The following TMX3 variants were observed in gnomAD, a reference collection of about 807,000 sequenced individuals.
TMX3 encodes the protein protein disulfide-isomerase TMX3.
Under a neutral mutation model 64.4 loss-of-function variants are expected in TMX3, and 40 were observed. That is an observed-to-expected ratio of 0.62 (90% CI 0.48 to 0.81). The LOEUF (loss-of-function observed/expected upper bound fraction) is 0.81, where lower values mean the gene tolerates loss of function less well. Ranked by LOEUF, TMX3 falls within the 30% of genes least tolerant of loss-of-function variation. The pLI is 0.00. For missense variants in TMX3, 497 were observed against 534.5 expected, an observed-to-expected ratio of 0.93 and a Z score of 0.69; for synonymous variants, 189 against 175.7, an observed-to-expected ratio of 1.08 and a Z score of -0.60.
At position 68,687,752 on chromosome 18, in the gene TMX3, A is replaced by C; in HGVS notation, c.651T>G (p.Gly217=). 3.1e-6 allele frequency: 5 copies of C among 1,610,816 alleles called. No individual in the cohort carries two copies. Among genetic ancestry groups the C allele is most frequent in the Non-Finnish European group, 4.2e-6 (5 of 1,178,684 alleles). ...TYFVYDEYED[G]DLSSWINRER... ...CCCTGTTGATCCATGATGACAGATC[A>C]CCATCTTCATACTCTTAAAACCAAG... The change falls in exon 10 of 16, where the codon GGT becomes GGG. Residue 217 remains glycine (G), a synonymous_variant. Transcript: ENST00000299608.
At chr18:68,704,225 C>T (rs1282352128) in intron 4 of TMX3, among the ~76,000 whole-genome samples, 1 of 152,116 alleles carries the variant, frequency 6.6e-6, no homozygotes, top group Admixed American at 6.5e-5. Flanking sequence ...TAATTAGCTG[C>T]TGACACATCA....
At chr18:68,684,113 C>T (rs1913712123) in intron 12 of TMX3, 77 bp downstream of exon 12, 3 of 1,029,910 alleles carry the variant, frequency 2.9e-6, no homozygotes, top group South Asian at 2.8e-5. Context: ...AGCATGAATA[C>T]TACTAAGTTT....
At chr18:68,691,821 G>A (rs928513926) in intron 8 of TMX3, among the ~76,000 whole-genome samples, 1 of 152,174 alleles carries the variant, frequency 6.6e-6, no homozygotes, top group Non-Finnish European at 1.5e-5. Flanking sequence ...TGCTTTATAA[G>A]CCACTTACAG....
At position 68,700,488 on chromosome 18, in the gene TMX3, T is replaced by TA; in HGVS notation, c.312-4_312-3insT. 118 of 1,508,342 alleles carry TA rather than the reference T, an allele frequency of 7.8e-5. No homozygotes were observed. Among genetic ancestry groups the TA allele is most frequent in the South Asian group, 1.9e-4 (14 of 74,616 alleles). The allele number at this position is 1,508,342 out of a possible 1,614,324, so 93.4% of individuals were successfully genotyped here. A position where few individuals can be genotyped will look rare whatever the true frequency, so the allele number is the denominator to read the frequency against. On this transcript the variant is annotated splice_region_variant and splice_polypyrimidine_tract_variant and intron_variant, in intron 5 of 15. Transcript: ENST00000299608. ...TATATGCCAAGTCCCCTTTTAATCT[T>TA]TAAAAAAAAAAAAAAATTAAAACCT...
chr18:68,711,328 G>A, intron 3 of TMX3, 36 bp downstream of exon 3: 3 of 1,519,036 alleles, frequency 2.0e-6, no homozygotes, highest in Non-Finnish European at 2.7e-6. Context: ...AAAATGGTAG[G>A]GGTGGGTAAT....
chr18:68,682,788 T>C, intron 13 of TMX3, 137 bp downstream of exon 13: 1 of 605,764 alleles, frequency 1.7e-6, no homozygotes, highest in Non-Finnish European at 2.6e-6. Context: ...AAGTAAAATA[T>C]TTAATGGGAG....
rs867846218 is a variant in TMX3, at chr18:68,687,453, A to G, written c.736+214T>C. 23 of 985,328 alleles carry G rather than the reference A, an allele frequency of 2.3e-5. No homozygotes were observed. The East Asian group carries it at 5.7e-4, about 24-fold the overall frequency. The allele number at this position is 985,328 out of a possible 1,614,324, so 61.0% of individuals were successfully genotyped here. A position where few individuals can be genotyped will look rare whatever the true frequency, so the allele number is the denominator to read the frequency against. On this transcript the variant is annotated intron_variant, in intron 10 of 15. Coordinates refer to ENST00000299608, the MANE Select transcript of TMX3 (RefSeq NM_019022.5). ...TGTTTTCCTTATCACCATCAGTTCT[A>G]TTAGTAAACCATCTCTTTAATCACT...
rs969214210 is a variant in TMX3 at position 68,675,508 on chromosome 18, G to A, written c.*1425C>T. On this transcript the variant is annotated 3_prime_UTR_variant, in exon 16 of 16. Transcript: ENST00000299608. ...ACGGCATTAGAAACAACAGAGGGCTGTCCTTGATGACTAAATCCCTAAACA... is the reference window on the plus strand; with the variant it reads ...ACGGCATTAGAAACAACAGAGGGCTATCCTTGATGACTAAATCCCTAAACA... The A allele has an allele frequency of 5.3e-5, 8 of 152,108 alleles. No individual in the cohort carries two copies. Among genetic ancestry groups the A allele is most frequent in the African/African-American group, 1.9e-4 (8 of 41,420 alleles). 9.4% of individuals were successfully genotyped at this position (152,108 alleles called of 1,614,324 possible). A position where few individuals can be genotyped will look rare whatever the true frequency, so the allele number is the denominator to read the frequency against.
At chr18:68,701,549 A>C in intron 5 of TMX3, 196 bp downstream of exon 5, 1 of 1,328,602 alleles carries the variant, frequency 7.5e-7, no homozygotes, top group Non-Finnish European at 1.0e-6. Flanking sequence ...AATTAGCCAT[A>C]AACAACATGA....
chr18:68,711,245 C>T (rs2031239523), intron 3 of TMX3, 119 bp downstream of exon 3: 1 of 566,538 alleles, frequency 1.8e-6, no homozygotes, highest in Non-Finnish European at 3.0e-6. Flanking sequence ...CTTAAGAAAA[C>T]AAATTGAGTA....
chr18:68,690,300 A>T (rs1914392654), intron 9 of TMX3, among the ~76,000 whole-genome samples: 1 of 152,202 alleles, frequency 6.6e-6, no homozygotes, highest in South Asian at 2.1e-4. Context: ...GAGCACTGAA[A>T]CACAGTTCGT....
At position 68,676,709 on chromosome 18, in the gene TMX3, A is replaced by C; in HGVS notation, c.*224T>G. On this transcript the variant is annotated 3_prime_UTR_variant, in exon 16 of 16. Coordinates refer to ENST00000299608, the MANE Select transcript of TMX3 (RefSeq NM_019022.5). ...TCTGTTCTAATCACAAAGATCAGGTAAATTTTGATGGAGTGCTCTGTGTTT... is the reference window on the plus strand; with the variant it reads ...TCTGTTCTAATCACAAAGATCAGGTCAATTTTGATGGAGTGCTCTGTGTTT... 1 of 551,402 alleles carries C rather than the reference A, an allele frequency of 1.8e-6. No individual in the cohort carries two copies. The highest frequency in any genetic ancestry group is 3.2e-6 in the Non-Finnish European group (1 of 314,948). The allele number at this position is 551,402 out of a possible 1,614,324, so 34.2% of individuals were successfully genotyped here.
intron 8 of TMX3, among the ~76,000 whole-genome samples, chr18:68,696,166 AATTATG>A (rs1915052084): frequency 6.6e-6 from 1 of 152,162 alleles, no homozygotes; most frequent in East Asian, 1.9e-4. Context: ...TAATTTTTTA[AATTATG>A]ATTATTACTA....
chr18:68,697,382 T>C, intron 7 of TMX3, 79 bp from the exon 8 acceptor site: 1 of 717,468 alleles, frequency 1.4e-6, no homozygotes, highest in South Asian at 2.2e-5. Context: ...CAATGAGAGT[T>C]ACCTTATGTA....
At chr18:68,687,152 G>GCTT in intron 10 of TMX3, 1 of 984,828 alleles carries the variant, frequency 1.0e-6, no homozygotes, top group Non-Finnish European at 1.2e-6. Context: ...CTTACAGTTA[G>GCTT]CTTCTTATTT....
chr18:68,712,726 A>G (rs1240129871), intron 2 of TMX3, among the ~76,000 whole-genome samples: 1 of 152,030 alleles, frequency 6.6e-6, no homozygotes, highest in Non-Finnish European at 1.5e-5. Flanking sequence ...GTTTAATAAG[A>G]CTATCTCCTT....
intron 4 of TMX3, among the ~76,000 whole-genome samples, chr18:68,702,125 T>C (rs1054282059): frequency 1.4e-5 from 2 of 144,422 alleles, no homozygotes; most frequent in African/African-American, 2.6e-5. Flanking sequence ...ACTTCTCATT[T>C]GACTTCATGT....
Position 68,684,499 on chromosome 18 carries a change from T to G in TMX3, c.737-14A>C. The G allele has an allele frequency of 1.2e-6, 2 of 1,609,808 alleles. No individual in the cohort carries two copies. Among genetic ancestry groups the G allele is most frequent in the Non-Finnish European group, 1.7e-6 (2 of 1,177,762 alleles). ...CCACAAGCTTTCCTGAAATAAAGAA[T>G]GACACATCTGAATTCAATCACCCTT... On this transcript the variant is annotated splice_polypyrimidine_tract_variant and intron_variant, in intron 10 of 15. Transcript: ENST00000299608.
At chr18:68,701,836 G>C in intron 4 of TMX3, 46 bp from the exon 5 acceptor site, 1 of 1,485,374 alleles carries the variant, frequency 6.7e-7, no homozygotes, top group African/African-American at 1.4e-5. Context: ...TTTTAAATAT[G>C]AGAAACTAGG....
Sources: gnomAD v4.1 joint callset for allele counts (sites outside exome capture counted in the v4.1 genomes callset) on GRCh38, gnomAD v4.1.1 for gene constraint, MANE v1.5 for transcripts, NCBI Gene and HGNC (gene_info 2026-07-23, HGNC 2026-07-21) for gene names.